Variants in NLRP5 observed in about 807,000 individuals in gnomAD.
NLRP5 encodes the protein NLR family pyrin domain containing 5.
In NLRP5, 93 loss-of-function variants were observed where a neutral mutation model predicts 113.1. That is an observed-to-expected ratio of 0.82 (90% CI 0.70 to 0.98). The LOEUF (loss-of-function observed/expected upper bound fraction) is 0.98, where lower values mean the gene tolerates loss of function less well. NLRP5 is among the 50% of genes least tolerant of loss of function. NLRP5 has a pLI of 0.00. For missense variants in NLRP5, 1,808 were observed against 1,514.3 expected (o/e 1.19, Z -3.22); for synonymous variants, 751 against 600.7 (o/e 1.25, Z -3.66).
chr19:55,987,113 A>T, the NLRP5 span, among the ~76,000 whole-genome samples: 17 of 152,204 alleles, frequency 1.1e-4, no homozygotes, highest in Non-Finnish European at 1.9e-4. Flanking sequence ...TCACGCCTAT[A>T]ATCCCAGCAC....
chr19:55,998,391 C>T (rs112096753), upstream of NLRP5, among the ~76,000 whole-genome samples: 11,112 of 151,884 alleles, frequency 0.073, 462 homozygotes, highest in African/African-American at 0.11. Context: ...TGGTGGCTCA[C>T]GCCTGTAATC....
chr19:56,040,357 G>A (rs911308313), intron 10 of NLRP5, among the ~76,000 whole-genome samples: 3 of 152,092 alleles, frequency 2.0e-5, no homozygotes, highest in Non-Finnish European at 4.4e-5. Context: ...GGAGTTGGAG[G>A]CCAGCTTCGA....
chr19:56,043,745 T>TTG (rs370131182), intron 11 of NLRP5, among the ~76,000 whole-genome samples: 5 of 151,094 alleles, frequency 3.3e-5, no homozygotes, highest in Non-Finnish European at 5.9e-5. Flanking sequence ...GCTAATTTTT[T>TTG]TGTGTGTGTT....
At chr19:56,023,391 A>G (rs1175808761) in intron 6 of NLRP5, among the ~76,000 whole-genome samples, 3 of 152,184 alleles carry the variant, frequency 2.0e-5, no homozygotes, top group Non-Finnish European at 2.9e-5. Context: ...ACGTCCCCTG[A>G]TGTGGACGAC....
upstream of NLRP5, among the ~76,000 whole-genome samples, chr19:55,999,362 G>A (rs553640620): frequency 9.2e-5 from 14 of 151,678 alleles, no homozygotes; most frequent in South Asian, 2.1e-4. Flanking sequence ...TTACAGGTGC[G>A]CGCCACCATG....
upstream of NLRP5, among the ~76,000 whole-genome samples, chr19:55,998,846 C>T (rs143440109): frequency 7.2e-4 from 109 of 150,528 alleles, no homozygotes; most frequent in African/African-American, 2.5e-3. Context: ...AGGTACAATG[C>T]GATGTTTAGA....
chr19:56,046,807 C>G (rs1341694372), intron 11 of NLRP5, among the ~76,000 whole-genome samples: 6 of 152,254 alleles, frequency 3.9e-5, no homozygotes. Context: ...GCTGGGATCA[C>G]AGGCGTGAGC....
chr19:56,030,538 G>C (rs955842475), intron 7 of NLRP5, among the ~76,000 whole-genome samples: 3 of 151,994 alleles, frequency 2.0e-5, no homozygotes, highest in African/African-American at 7.3e-5. Flanking sequence ...CCGTTACTTT[G>C]TTCTTTCCAC....
intron 3 of NLRP5, among the ~76,000 whole-genome samples, chr19:56,014,063 C>T (rs557818900): frequency 1.3e-5 from 2 of 151,986 alleles, no homozygotes; most frequent in East Asian, 3.9e-4. Flanking sequence ...TTATATATTC[C>T]CCTGTTCTCT....
chr19:55,990,308 C>T, the NLRP5 span, among the ~76,000 whole-genome samples: 9,205 of 151,676 alleles, frequency 0.061, 306 homozygotes, highest in Middle Eastern at 0.096. Flanking sequence ...AGGCTAGTCT[C>T]GAACTCCTGA....
At chr19:56,061,318 A>C in intron 14 of NLRP5, 78 bp from the exon 15 acceptor site, 1 of 1,510,660 alleles carries the variant, frequency 6.6e-7, no homozygotes, top group Non-Finnish European at 9.0e-7. Flanking sequence ...ATCCTTGATG[A>C]GGCTACCAGG....
intron 1 of NLRP5, among the ~76,000 whole-genome samples, chr19:56,001,019 A>G (rs1386421217): frequency 2.6e-5 from 4 of 151,702 alleles, no homozygotes; most frequent in Non-Finnish European, 5.9e-5. Flanking sequence ...AGAAAAAAAG[A>G]AGAAGAAAAT....
intron 9 of NLRP5, among the ~76,000 whole-genome samples, chr19:56,036,229 AATTTTTTTGT>A (rs543529593): frequency 1.2e-3 from 179 of 151,524 alleles, no homozygotes; most frequent in African/African-American, 4.2e-3. Context: ...ACGCCCGGCT[AATTTTTTTGT>A]ATTTTTTTAA....
intron 10 of NLRP5, among the ~76,000 whole-genome samples, chr19:56,038,786 G>A (rs1350917813): frequency 6.6e-6 from 1 of 152,190 alleles, no homozygotes; most frequent in African/African-American, 2.4e-5. Context: ...GGGGGCAGCA[G>A]TTCTGCACCC....
intron 3 of NLRP5, among the ~76,000 whole-genome samples, chr19:56,013,097 CTG>C (rs1982262060): frequency 6.6e-6 from 1 of 152,174 alleles, no homozygotes; most frequent in African/African-American, 2.4e-5. Flanking sequence ...CACTTTGTGT[CTG>C]TGAATTTTGC....
chr19:56,049,168 ATT>A (rs1983839634), intron 11 of NLRP5, among the ~76,000 whole-genome samples: 1 of 25,042 alleles, frequency 4.0e-5, no homozygotes, highest in Non-Finnish European at 1.0e-4. Flanking sequence ...TATTTTTTAT[ATT>A]TATTTATTTA....
Position 56,027,220 on chromosome 19 carries a change from G to C in NLRP5, c.987G>C (p.Glu329Asp). 6.2e-7 allele frequency: 1 copy of C among 1,612,382 alleles called. No homozygotes were observed. The highest frequency in any genetic ancestry group is 8.5e-7 in the Non-Finnish European group (1 of 1,179,458). ...TTAGAGAGATGCAGCGGAAGAAGGAGAGCAGTGTCACAGAGTTCATCTCCA... is the reference window on the plus strand; with the variant it reads ...TTAGAGAGATGCAGCGGAAGAAGGACAGCAGTGTCACAGAGTTCATCTCCA... The change falls in exon 7 of 15, where the codon GAG (glutamate) becomes GAC (aspartate). Residue 329 changes from glutamate (E) to aspartate (D), a missense_variant. By Grantham distance (45) the Glu-to-Asp change is conservative. Transcript: ENST00000390649.
At chr19:56,036,536 C>T (rs936578136) in intron 9 of NLRP5, among the ~76,000 whole-genome samples, 7 of 152,168 alleles carry the variant, frequency 4.6e-5, no homozygotes, top group South Asian at 2.1e-4. Flanking sequence ...ATGAACAAAA[C>T]GAGATTCCTG....
At chr19:55,998,527 C>T (rs1037732975), upstream of NLRP5, among the ~76,000 whole-genome samples, 2 of 151,346 alleles carry the variant, frequency 1.3e-5, no homozygotes, top group Non-Finnish European at 2.9e-5. Flanking sequence ...GTGACAGGTG[C>T]CTGAAATCCC....
Sources: gnomAD v4.1 joint callset for allele counts (sites outside exome capture counted in the v4.1 genomes callset) on GRCh38, gnomAD v4.1.1 for gene constraint, MANE v1.5 for transcripts, NCBI Gene and HGNC (gene_info 2026-07-23, HGNC 2026-07-21) for gene names.